Variants in CTPS1 observed in about 807,000 individuals in gnomAD.
CTPS1 encodes CTP synthetase 1.
CTPS1 carries 25 observed loss-of-function variants against 80.5 expected under a neutral mutation model. The ratio of observed to expected loss-of-function variants is 0.31; its 90% CI spans 0.23 to 0.43. The LOEUF (loss-of-function observed/expected upper bound fraction) is 0.43, where lower values mean the gene tolerates loss of function less well. CTPS1 is among the 20% of genes least tolerant of loss of function. The pLI, the probability that CTPS1 is intolerant of heterozygous loss-of-function variation, is 1.00. For synonymous variants in CTPS1, 267 were observed against 252.5 expected (o/e 1.06, Z -0.54); for missense variants, 442 against 725.7 (o/e 0.61, Z 4.49).
At chr1:40,992,958 T>G (rs1426468326) in intron 7 of CTPS1, among the ~76,000 whole-genome samples, 1 of 151,788 alleles carries the variant, frequency 6.6e-6, no homozygotes, top group Non-Finnish European at 1.5e-5. Flanking sequence ...CCTCCCAAAG[T>G]GCTGGGATTA....
intron 3 of CTPS1, among the ~76,000 whole-genome samples, 170 bp from the exon 4 acceptor site, chr1:40,987,202 C>T (rs904348891): frequency 6.6e-6 from 1 of 152,142 alleles, no homozygotes; most frequent in African/African-American, 2.4e-5. Flanking sequence ...GAAGTGTGAG[C>T]TCAGAGATTT....
At chr1:40,983,566 C>A in intron 2 of CTPS1, 110 bp downstream of exon 2, 2 of 822,526 alleles carry the variant, frequency 2.4e-6, no homozygotes, top group Non-Finnish European at 1.9e-6. Context: ...CTAACAGGTC[C>A]CTTAATACAG....
chr1:40,979,906 C>T (rs1364578698), intron 1 of CTPS1, 77 bp downstream of exon 1: 2 of 152,168 alleles, frequency 1.3e-5, no homozygotes, highest in Non-Finnish European at 2.9e-5. Flanking sequence ...AGCCCGGCGC[C>T]GAATAGCCCC....
chr1:41,000,608 A>G (rs1642881118), intron 9 of CTPS1, among the ~76,000 whole-genome samples: 1 of 152,058 alleles, frequency 6.6e-6, no homozygotes, highest in Non-Finnish European at 1.5e-5. Flanking sequence ...TGCACTTAAA[A>G]TGCTTGTATT....
intron 14 of CTPS1, among the ~76,000 whole-genome samples, chr1:41,008,384 A>G (rs919836935): frequency 1.1e-4 from 16 of 152,150 alleles, no homozygotes; most frequent in African/African-American, 3.4e-4. Flanking sequence ...TCTAGCAGCA[A>G]AGTGCCCATA....
intron 3 of CTPS1, among the ~76,000 whole-genome samples, 169 bp downstream of exon 3, chr1:40,985,160 A>T (rs1380912834): frequency 6.6e-6 from 1 of 152,232 alleles, no homozygotes; most frequent in Non-Finnish European, 1.5e-5. Context: ...CCTTCAGTTG[A>T]AAAATCAGAA....
rs771103718 is a variant in CTPS1 at position 41,002,146 on chromosome 1, G to A, written c.1095-14G>A. On this transcript the variant is annotated splice_polypyrimidine_tract_variant and intron_variant, in intron 10 of 18. Coordinates refer to ENST00000650070, the MANE Select transcript of CTPS1 (RefSeq NM_001905.4). Reference sequence around the variant, plus strand: ...AAAAGGGGAATTGCCTTTGTGGTTTGTTCTTTTGTGCAGTGGAGTGCTGGT... The same window carrying A: ...AAAAGGGGAATTGCCTTTGTGGTTTATTCTTTTGTGCAGTGGAGTGCTGGT... The A allele has an allele frequency of 2.5e-6, 4 of 1,613,540 alleles. No individual in the cohort carries two copies. In the South Asian group the frequency reaches 4.4e-5, roughly 18 times the overall value.
chr1:40,996,055 G>C lies in CTPS1; in HGVS notation c.859G>C (p.Glu287Gln). 6.2e-7 allele frequency: 1 copy of C among 1,614,190 alleles called. No individual in the cohort carries two copies. Among genetic ancestry groups the C allele is most frequent in the Non-Finnish European group, 8.5e-7 (1 of 1,180,012 alleles). ...QPRKMLMKWK[E>Q]MADRYDRLLE... ...AAGAAAAATGCTGATGAAATGGAAA[G>C]AGATGGCTGACAGGTTTGCCTGCAA... The change falls in exon 8 of 19, where the codon GAG becomes CAG. Residue 287 changes from glutamate (E) to glutamine (Q), a missense_variant. Transcript: ENST00000650070.
intron 4 of CTPS1, among the ~76,000 whole-genome samples, chr1:40,987,939 G>T (rs139032361): frequency 3.3e-5 from 5 of 152,080 alleles, no homozygotes; most frequent in East Asian, 1.9e-4. Flanking sequence ...TTGAGACAGG[G>T]TCTCACTCTG....
chr1:40,983,376 C>G lies in CTPS1; in HGVS notation c.86C>G (p.Ser29Ter). Residue 29 changes from serine to a stop codon, truncating the protein, a stop_gained, in exon 2 of 19, where the codon TCA becomes TGA. Coordinates refer to ENST00000650070, the MANE Select transcript of CTPS1 (RefSeq NM_001905.4). LOFTEE classifies it high-confidence loss of function. Reference sequence around the variant, plus strand: ...AGCAGTGTGGGCACAATACTCAAGTCATGTGGTTTACATGTAACTTCAATC... The same window carrying G: ...AGCAGTGTGGGCACAATACTCAAGTGATGTGGTTTACATGTAACTTCAATC... The part of the protein sequence containing the change: ...IASSVGTILK[S>*]CGLHVTSIKI... The G allele has an allele frequency of 6.2e-7, 1 of 1,613,818 alleles. No individual in the cohort carries two copies. The highest frequency in any genetic ancestry group is 8.5e-7 in the Non-Finnish European group (1 of 1,179,760).
rs1385083604 is a variant in CTPS1 at position 41,007,821 on chromosome 1, T to C, written c.1393+276T>C. Among the ~76,000 whole-genome samples, 2 of 152,222 alleles carry C rather than the reference T, an allele frequency of 1.3e-5. No individual in the cohort carries two copies. The highest frequency in any genetic ancestry group is 4.8e-5 in the African/African-American group (2 of 41,448). ...GGCAGTGAGGTTACATTCATCCTTATCGGTTACTTTCCTATTAAGACCAGC... is the reference window on the plus strand; with the variant it reads ...GGCAGTGAGGTTACATTCATCCTTACCGGTTACTTTCCTATTAAGACCAGC... On this transcript the variant is annotated intron_variant, in intron 14 of 18. Transcript: ENST00000650070. The surrounding 1 kb of genome is among the most constrained non-coding windows in gnomAD (Gnocchi z 4.4).
intron 3 of CTPS1, among the ~76,000 whole-genome samples, chr1:40,986,688 A>G (rs768914380): frequency 1.3e-4 from 20 of 152,322 alleles, no homozygotes; most frequent in Non-Finnish European, 2.8e-4. Context: ...CCCAACAACT[A>G]TGATTTTTGA....
chr1:40,983,531 T>G, intron 2 of CTPS1, 75 bp downstream of exon 2: 1 of 1,269,240 alleles, frequency 7.9e-7, no homozygotes, highest in Non-Finnish European at 1.1e-6. Flanking sequence ...TGTGCACGGT[T>G]TGCATAACTT....
At chr1:40,997,215 C>T (rs990772823) in intron 8 of CTPS1, 179 bp from the exon 9 acceptor site, 1 of 641,848 alleles carries the variant, frequency 1.6e-6, no homozygotes, top group Non-Finnish European at 2.6e-6. Flanking sequence ...ACTGTAACCT[C>T]CAACTCCTGG....
rs140029453 is a variant in CTPS1 at position 40,988,627 on chromosome 1, C to T, written c.472C>T (p.Pro158Ser). The change falls in exon 5 of 19, where the codon CCC (proline) becomes TCC (serine). Residue 158 changes from proline to serine, a missense_variant. Around this residue, in one of 4 missense-constraint regions of CTPS1, gnomAD observed 27 missense variants for 83.6 expected, o/e 0.32. Coordinates refer to ENST00000650070, the MANE Select transcript of CTPS1 (RefSeq NM_001905.4). ...AACCGTGGGGGACATAGAAAGCATGCCCTTTATTGAGGCCTTCCGTCAGTT... is the reference window on the plus strand; with the variant it reads ...AACCGTGGGGGACATAGAAAGCATGTCCTTTATTGAGGCCTTCCGTCAGTT... Reference protein sequence around the residue: ...GGTVGDIESMPFIEAFRQFQF... With the variant: ...GGTVGDIESMSFIEAFRQFQF... 235 of 1,613,932 alleles carry T rather than the reference C, an allele frequency of 1.5e-4. 1 individual carries two copies. Among genetic ancestry groups the T allele is most frequent in the Non-Finnish European group, 1.9e-4 (225 of 1,179,962 alleles).
rs1042011642 is a variant in CTPS1 at position 41,008,659 on chromosome 1, G to A, written c.1394G>A (p.Arg465Lys). The A allele has an allele frequency of 1.9e-6, 3 of 1,614,118 alleles. No individual in the cohort carries two copies. Among genetic ancestry groups the A allele is most frequent in the Non-Finnish European group, 2.5e-6 (3 of 1,179,982 alleles). ...ACATACAGCCCGTTTGTTTTGCCAG[G>A]GAAACTCTATGGAGACGCAGACTAC... Reference protein sequence around the residue: ...TLFQTKNSVMRKLYGDADYLE... With the variant: ...TLFQTKNSVMKKLYGDADYLE... Residue 465 changes from arginine to lysine, a missense_variant and splice_region_variant, in exon 15 of 19, where the codon AGG becomes AAG. Transcript: ENST00000650070.
At position 40,995,958 on chromosome 1, in the gene CTPS1, C is replaced by A; in HGVS notation, c.762C>A (p.Pro254=). 6.2e-7 allele frequency: 1 copy of A among 1,614,212 alleles called. No individual in the cohort carries two copies. Residue 254 remains proline (P), a synonymous_variant, in exon 8 of 19, where the codon CCC becomes CCA. Transcript: ENST00000650070. ...VHDVSSIYRV[P]LLLEEQGVVD... ...ATGTCTCATCCATCTACCGAGTCCC[C>A]TTGTTGTTAGAGGAGCAAGGGGTTG... is the stretch of plus-strand genomic sequence containing the variant.
chr1:40,997,584 C>A, intron 9 of CTPS1, 58 bp downstream of exon 9: 1 of 1,573,052 alleles, frequency 6.4e-7, no homozygotes, highest in Admixed American at 1.9e-5. Flanking sequence ...TCTGTAGTCT[C>A]GTAGGTGCTG....
At chr1:41,004,835 A>T (rs1429468923) in intron 12 of CTPS1, among the ~76,000 whole-genome samples, 2 of 152,218 alleles carry the variant, frequency 1.3e-5, no homozygotes, top group Non-Finnish European at 2.9e-5. Flanking sequence ...CATTAAGACA[A>T]TATAAAAACT....
Sources: allele counts gnomAD v4.1 joint callset (sites outside exome capture counted in the v4.1 genomes callset), GRCh38; gene constraint gnomAD v4.1.1; regional missense constraint gnomAD v4.1.1; non-coding constraint Gnocchi (gnomAD v3.1); transcripts MANE v1.5; gene names NCBI Gene and HGNC (gene_info 2026-07-23, HGNC 2026-07-21).